SMIM13: variants seen among roughly 807,000 people sequenced by gnomAD.
The protein encoded by SMIM13 is UPF0766 protein C6orf228.
Under a neutral mutation model 5.9 loss-of-function variants are expected in SMIM13, and 3 were observed. That is an observed-to-expected ratio of 0.51 (90% CI 0.23 to 1.31). The LOEUF is 1.31. Ranked by LOEUF, SMIM13 falls within the 40% of genes most tolerant of loss-of-function variation. SMIM13 has a pLI of 0.18. For synonymous variants in SMIM13, 55 were observed against 46.0 expected, an observed-to-expected ratio of 1.19 and a Z score of -0.79; for missense variants, 85 against 109.9, an observed-to-expected ratio of 0.77 and a Z score of 1.01.
rs971058364 is a variant in SMIM13, at chr6:11,103,882, A to C, written c.76+9493A>C. ...GGAAGAACCCAAGAGAACCATTTCC[A>C]AGTTCCTTCCCAATTTAACCAACCC... On this transcript the variant is annotated intron_variant, in intron 1 of 1. Transcript: ENST00000416247. 1.9e-6 allele frequency: 3 copies of C among 1,551,610 alleles called. No individual in the cohort carries two copies. The African/African-American group carries it at 4.1e-5, about 21-fold the overall frequency.
In SMIM13 at chr6:11,095,266, A is replaced by G. The variant is rs1757907773; in HGVS notation, c.76+877A>G. 1.3e-5 allele frequency among the ~76,000 whole-genome samples: 2 copies of G among 152,238 alleles called. 1 individual carries two copies. Among genetic ancestry groups the G allele is most frequent in the South Asian group, 4.1e-4 (2 of 4,834 alleles). Reference sequence around the variant, plus strand: ...TGTTCATTACACGATAAATGTACAAATTAATACTTAGTGACGCTGTGGAAT... The same window carrying G: ...TGTTCATTACACGATAAATGTACAAGTTAATACTTAGTGACGCTGTGGAAT... On this transcript the variant is annotated intron_variant, in intron 1 of 1. Coordinates refer to ENST00000416247, the MANE Select transcript of SMIM13 (RefSeq NM_001135575.2).
Position 11,134,628 on chromosome 6 carries a change from G to A in SMIM13, c.*26G>A, listed in dbSNP as rs9468484. The stretch of plus-strand genomic sequence containing the variant: ...TCCTGTACTTGTGAAGGATGAAAAG[G>A]CAGTTGCCAGCTTCTGTCTTTTACT... On this transcript the variant is annotated 3_prime_UTR_variant, in exon 2 of 2. Coordinates refer to ENST00000416247, the MANE Select transcript of SMIM13 (RefSeq NM_001135575.2). 16,933 of 1,407,098 alleles carry A rather than the reference G, an allele frequency of 0.012. 749 individuals carry two copies. In the East Asian group the frequency reaches 0.14, roughly 12 times the overall value. 87.2% of individuals were successfully genotyped at this position (1,407,098 alleles called of 1,614,324 possible).
intron 1 of SMIM13, among the ~76,000 whole-genome samples, chr6:11,122,903 TAAATCTC>T (rs1758329281): frequency 6.6e-6 from 1 of 152,058 alleles, no homozygotes; most frequent in South Asian, 2.1e-4. Context: ...ACTCCCCTCT[TAAATCTC>T]AAAAAACACC....
intron 1 of SMIM13, among the ~76,000 whole-genome samples, chr6:11,107,907 C>A (rs1339953663): frequency 2.0e-5 from 3 of 152,200 alleles, no homozygotes; most frequent in African/African-American, 7.2e-5. Flanking sequence ...TAGAAGGATT[C>A]TTGGGCTGAA....
At chr6:11,133,529 G>A (rs998653332) in intron 1 of SMIM13, among the ~76,000 whole-genome samples, 1 of 152,116 alleles carries the variant, frequency 6.6e-6, no homozygotes, top group South Asian at 2.1e-4. Context: ...TGCAACCAGA[G>A]TCTTTAAAGT....
In SMIM13 at chr6:11,137,778, G is replaced by C. The variant is rs986328885; in HGVS notation, c.*3176G>C. The C allele has an allele frequency of 3.9e-5, 6 of 152,216 alleles. No individual in the cohort carries two copies. The highest frequency in any genetic ancestry group is 1.4e-4 in the African/African-American group (6 of 41,540). 9.4% of individuals were successfully genotyped at this position (152,216 alleles called of 1,614,324 possible). ...TATTTGTGTAGTGCTGTTAAATGAG[G>C]TTTTTGATATTTCCATCAAAATGAA... On this transcript the variant is annotated 3_prime_UTR_variant, in exon 2 of 2. Transcript: ENST00000416247.
chr6:11,094,471 T>G (rs1418049044), intron 1 of SMIM13, 82 bp downstream of exon 1: 7 of 1,174,366 alleles, frequency 6.0e-6, no homozygotes, highest in South Asian at 5.4e-5. Flanking sequence ...TTTGTTTTTT[T>G]GAAAAAAACA....
intron 1 of SMIM13, among the ~76,000 whole-genome samples, chr6:11,130,973 T>TG (rs1758444648): frequency 6.6e-6 from 1 of 152,220 alleles, no homozygotes; most frequent in African/African-American, 2.4e-5. Context: ...AAATCAAAAC[T>TG]ATCAGTTTTT....
intron 1 of SMIM13, among the ~76,000 whole-genome samples, chr6:11,126,231 G>A (rs1561759542): frequency 6.6e-6 from 1 of 152,174 alleles, no homozygotes; most frequent in African/African-American, 2.4e-5. Flanking sequence ...TGTATTTTTA[G>A]TAGGGGCGGG....
At chr6:11,107,800 G>A (rs903513723) in intron 1 of SMIM13, among the ~76,000 whole-genome samples, 22 of 152,100 alleles carry the variant, frequency 1.4e-4, no homozygotes, top group Non-Finnish European at 8.8e-5. Context: ...GGTGTTATAG[G>A]GTATTAATAA....
intron 1 of SMIM13, among the ~76,000 whole-genome samples, chr6:11,116,820 A>G (rs988198600): frequency 6.6e-6 from 1 of 151,680 alleles, no homozygotes; most frequent in Non-Finnish European, 1.5e-5. Context: ...GCTTGTCCAT[A>G]TTCTGTTTCA....
rs528972383 is a variant in SMIM13, at chr6:11,113,749, G to A, written c.76+19360G>A. Among the ~76,000 whole-genome samples the A allele has an allele frequency of 3.9e-5, 6 of 151,912 alleles. No homozygotes were observed. The East Asian group carries it at 9.7e-4, about 25-fold the overall frequency. On this transcript the variant is annotated intron_variant, in intron 1 of 1. Coordinates refer to ENST00000416247, the MANE Select transcript of SMIM13 (RefSeq NM_001135575.2). ...GTGCCACCATACCTAGCTAATTTTT[G>A]TATTTTTAGTAGAGGCAGGGTTTCA... is the stretch of plus-strand genomic sequence containing the variant.
rs185934746 is a variant in SMIM13 at position 11,124,104 on chromosome 6, C to T, written c.77-10299C>T. Among the ~76,000 whole-genome samples, 294 of 152,250 alleles carry T rather than the reference C, an allele frequency of 1.9e-3. 2 individuals are homozygous for T. The highest frequency in any genetic ancestry group is 6.8e-3 in the African/African-American group (284 of 41,534). ...TGTCAAATACTAGATCTTATTCATT[C>T]TATCTAAATATGTTTTTGTACCCAT... On this transcript the variant is annotated intron_variant, in intron 1 of 1. Transcript: ENST00000416247.
rs769841476 is a variant in SMIM13 at position 11,138,116 on chromosome 6, C to T, written c.*3514C>T. The stretch of plus-strand genomic sequence containing the variant: ...AGTTTTCTCAAGTAGTATGTTGTAA[C>T]GTAAGATGTAACTGATATAACTAGA... On this transcript the variant is annotated 3_prime_UTR_variant, in exon 2 of 2. Transcript: ENST00000416247. The T allele has an allele frequency of 8.5e-5, 13 of 152,130 alleles. No homozygotes were observed. The highest frequency in any genetic ancestry group is 8.3e-4 in the South Asian group (4 of 4,818). The allele number at this position is 152,130 out of a possible 1,614,324, so 9.4% of individuals were successfully genotyped here.
At chr6:11,095,702 G>T (rs939781756) in intron 1 of SMIM13, among the ~76,000 whole-genome samples, 2 of 152,182 alleles carry the variant, frequency 1.3e-5, no homozygotes, top group African/African-American at 4.8e-5. Flanking sequence ...CCAGGTTAAA[G>T]CTTCTAATTT....
chr6:11,128,973 A>G (rs1189585824), intron 1 of SMIM13, among the ~76,000 whole-genome samples: 2 of 151,824 alleles, frequency 1.3e-5, no homozygotes, highest in African/African-American at 4.8e-5. Flanking sequence ...TCTTTTATTA[A>G]TATGATGTTA....
At chr6:11,126,937 T>C (rs1758385293) in intron 1 of SMIM13, among the ~76,000 whole-genome samples, 1 of 152,192 alleles carries the variant, frequency 6.6e-6, no homozygotes. Flanking sequence ...AAGAATTCTC[T>C]GGGTTAGCAA....
At position 11,124,793 on chromosome 6, in the gene SMIM13, C is replaced by G. The variant is rs116497934; in HGVS notation, c.77-9610C>G. Among the ~76,000 whole-genome samples the G allele has an allele frequency of 5.9e-3, 893 of 152,214 alleles. 3 individuals are homozygous for G. The highest frequency in any genetic ancestry group is 0.024 in the South Asian group (116 of 4,818). On this transcript the variant is annotated intron_variant, in intron 1 of 1. Coordinates refer to ENST00000416247, the MANE Select transcript of SMIM13 (RefSeq NM_001135575.2). ...GTGATGTTGAGCACCTTTTTATATA[C>G]CTTCAGGTGGTTTCTTATCAGTAAT...
rs4713202 is a variant in SMIM13 at position 11,135,572 on chromosome 6, A to G, written c.*970A>G. On this transcript the variant is annotated 3_prime_UTR_variant, in exon 2 of 2. Transcript: ENST00000416247. ...AAGACAGTGTTGGAGCACTCTTTCA[A>G]GAAGTGCTGCATAACCAGTACTCTT... 0.033 allele frequency: 5,097 copies of G among 152,690 alleles called. 192 individuals carry two copies. Among genetic ancestry groups the G allele is most frequent in the East Asian group, 0.12 (640 of 5,172 alleles). The allele number at this position is 152,690 out of a possible 1,614,324, so 9.5% of individuals were successfully genotyped here.
Sources: allele counts gnomAD v4.1 joint callset (sites outside exome capture counted in the v4.1 genomes callset), GRCh38; gene constraint gnomAD v4.1.1; transcripts MANE v1.5; gene names NCBI Gene and HGNC (gene_info 2026-07-23, HGNC 2026-07-21).